The following ITGB8 variants were observed in gnomAD, a reference collection of about 807,000 sequenced individuals.
ITGB8 encodes the protein integrin beta-8.
In ITGB8, 30 loss-of-function variants were observed where a neutral mutation model predicts 89.5. The observed-to-expected ratio is 0.34, with a 90% CI of 0.25 to 0.45. ITGB8 has a LOEUF of 0.45. ITGB8 is among the 20% of genes least tolerant of loss of function. The pLI, the probability that ITGB8 is intolerant of heterozygous loss-of-function variation, is 1.00. For missense variants in ITGB8, 836 were observed against 933.3 expected, an observed-to-expected ratio of 0.90 and a Z score of 1.36; for synonymous variants, 335 against 320.4, an observed-to-expected ratio of 1.05 and a Z score of -0.49.
chr7:20,365,549 T>C (rs1326389164), intron 2 of ITGB8: 1 of 152,142 alleles, frequency 6.6e-6, no homozygotes, highest in East Asian at 1.9e-4. Flanking sequence ...AATGAAGCAA[T>C]GTGGGAAGCA....
intron 7 of ITGB8, 22 bp from the exon 8 acceptor site, chr7:20,394,874 A>T: frequency 6.6e-7 from 1 of 1,513,000 alleles, no homozygotes; most frequent in Non-Finnish European, 9.2e-7. Flanking sequence ...CATTGTTTAA[A>T]TGCTACTGAT....
rs1337123294 is a variant in ITGB8 at position 20,401,709 on chromosome 7, T to C, written c.1282-12T>C. 5 of 1,488,888 alleles carry C rather than the reference T, an allele frequency of 3.4e-6. No individual in the cohort carries two copies. In the East Asian group the frequency reaches 1.1e-4, roughly 34 times the overall value. The allele number at this position is 1,488,888 out of a possible 1,614,324, so 92.2% of individuals were successfully genotyped here. ...GTATATAAATATATTTCCTTTTTCC[T>C]CCTAAATTTAGGTTCTTTTCAATGT... On this transcript the variant is annotated splice_polypyrimidine_tract_variant and intron_variant, in intron 9 of 13. Coordinates refer to ENST00000222573, the MANE Select transcript of ITGB8 (RefSeq NM_002214.3).
chr7:20,390,265 T>C (rs560775701), intron 6 of ITGB8, among the ~76,000 whole-genome samples: 3 of 152,322 alleles, frequency 2.0e-5, no homozygotes, highest in African/African-American at 7.2e-5. Flanking sequence ...CTTTGGCTTA[T>C]GCCATTAGGC....
Position 20,415,106 on chromosome 7 carries a change from T to A in ITGB8, c.*5109T>A, listed in dbSNP as rs1787886332. 1 of 152,564 alleles carries A rather than the reference T, an allele frequency of 6.6e-6. No homozygotes were observed. The highest frequency in any genetic ancestry group is 1.5e-5 in the Non-Finnish European group (1 of 67,984). The allele number at this position is 152,564 out of a possible 1,614,324, so 9.5% of individuals were successfully genotyped here. A position where few individuals can be genotyped will look rare whatever the true frequency, so the allele number is the denominator to read the frequency against. On this transcript the variant is annotated 3_prime_UTR_variant, in exon 14 of 14. Coordinates refer to ENST00000222573, the MANE Select transcript of ITGB8 (RefSeq NM_002214.3). The stretch of plus-strand genomic sequence containing the variant: ...AAATTTTGATAAGAAGTCTACGCAA[T>A]GACAAGTATGGTACATAAATTTTAT...
chr7:20,341,874 G>A (rs1784767384), intron 1 of ITGB8, among the ~76,000 whole-genome samples: 1 of 150,470 alleles, frequency 6.6e-6, no homozygotes, highest in African/African-American at 2.5e-5. Context: ...CTGCCTCTTA[G>A]GTATATGTTT....
In ITGB8 at chr7:20,331,427, G is replaced by A; in HGVS notation, c.-380G>A. ...TTGATTGTGTTTGGCTCTTCGCTAA[G>A]CTGATTTATGCAGCAGAAGCCCCAC... On this transcript the variant is annotated 5_prime_UTR_variant, in exon 1 of 14. Transcript: ENST00000222573. 2.5e-6 allele frequency: 1 copy of A among 404,674 alleles called. No individual in the cohort carries two copies. The highest frequency in any genetic ancestry group is 6.2e-4 in the Middle Eastern group (1 of 1,610). The allele number at this position is 404,674 out of a possible 1,614,324, so 25.1% of individuals were successfully genotyped here. A position where few individuals can be genotyped will look rare whatever the true frequency, so the allele number is the denominator to read the frequency against.
At chr7:20,337,519 T>C (rs1183621938) in intron 1 of ITGB8, among the ~76,000 whole-genome samples, 1 of 152,198 alleles carries the variant, frequency 6.6e-6, no homozygotes, top group African/African-American at 2.4e-5. Flanking sequence ...TATTTGAAAA[T>C]ATAATATATC....
chr7:20,367,545 CTG>C (rs1562672122), intron 3 of ITGB8, among the ~76,000 whole-genome samples: 1 of 152,136 alleles, frequency 6.6e-6, no homozygotes, highest in African/African-American at 2.4e-5. Context: ...AGTAAGTACT[CTG>C]TAAGTATTTG....
chr7:20,367,291 T>G (rs1413500631), intron 3 of ITGB8, 105 bp downstream of exon 3: 1 of 856,754 alleles, frequency 1.2e-6, no homozygotes, highest in Non-Finnish European at 1.9e-6. Context: ...ATTGTTCTTG[T>G]AGAAACCACA....
intron 1 of ITGB8, among the ~76,000 whole-genome samples, chr7:20,351,784 T>G (rs1346786067): frequency 6.6e-6 from 1 of 152,214 alleles, no homozygotes; most frequent in Non-Finnish European, 1.5e-5. Context: ...GACTTTAAGT[T>G]TAAAAGATAC....
rs550699619 is a variant in ITGB8, at chr7:20,354,675, A to G, written c.128-8962A>G. 1.2e-4 allele frequency among the ~76,000 whole-genome samples: 19 copies of G among 152,320 alleles called. No homozygotes were observed. In the East Asian group the frequency reaches 2.7e-3, roughly 22 times the overall value. The stretch of plus-strand genomic sequence containing the variant: ...GAATATGGCTGCTGCAGGTCTGGAC[A>G]TTACAGCCATGTTCCAGGCAGAAAG... On this transcript the variant is annotated intron_variant, in intron 1 of 13. Coordinates refer to ENST00000222573, the MANE Select transcript of ITGB8 (RefSeq NM_002214.3).
intron 1 of ITGB8, among the ~76,000 whole-genome samples, chr7:20,359,040 T>G (rs2128134980): frequency 6.6e-6 from 1 of 152,336 alleles, no homozygotes; most frequent in South Asian, 2.1e-4. Flanking sequence ...AAGGACATGA[T>G]TTTGCTCTTT....
intron 1 of ITGB8, among the ~76,000 whole-genome samples, chr7:20,356,581 A>C (rs1221020324): frequency 1.3e-5 from 2 of 152,186 alleles, no homozygotes; most frequent in East Asian, 3.8e-4. Context: ...TTTGTATAGT[A>C]AATGCAATTG....
chr7:20,380,618 G>A, intron 4 of ITGB8, 48 bp from the exon 5 acceptor site: 2 of 1,458,276 alleles, frequency 1.4e-6, no homozygotes, highest in Admixed American at 1.7e-5. Context: ...ATTCCAGAAT[G>A]CTTAAGAAGA....
Position 20,331,359 on chromosome 7 carries a change from A to C in ITGB8, c.-448A>C. ...AGATCCAGCATCACCCAGTGAATGT[A>C]CATTAGGGTGGTTTCCCCCCCAGCT... On this transcript the variant is annotated 5_prime_UTR_variant, in exon 1 of 14. Transcript: ENST00000222573. The C allele has an allele frequency of 2.5e-6, 1 of 395,628 alleles. No homozygotes were observed. Among genetic ancestry groups the C allele is most frequent in the Non-Finnish European group, 4.4e-6 (1 of 225,074 alleles). The allele number at this position is 395,628 out of a possible 1,614,324, so 24.5% of individuals were successfully genotyped here. A position where few individuals can be genotyped will look rare whatever the true frequency, so the allele number is the denominator to read the frequency against.
chr7:20,377,204 C>T (rs1296578387), intron 3 of ITGB8: 1 of 152,254 alleles, frequency 6.6e-6, no homozygotes, highest in Non-Finnish European at 1.5e-5. Context: ...CCATCTATTA[C>T]ATCTAGCAGT....
chr7:20,333,589 T>C (rs1169963382), intron 1 of ITGB8, among the ~76,000 whole-genome samples: 1 of 142,722 alleles, frequency 7.0e-6, no homozygotes, highest in Non-Finnish European at 1.6e-5. Context: ...TTAAAAACCA[T>C]TAACTGTGCT....
In ITGB8 at chr7:20,409,710, G is replaced by C; in HGVS notation, c.2119G>C (p.Val707Leu). The C allele has an allele frequency of 6.2e-7, 1 of 1,610,476 alleles. No homozygotes were observed. The highest frequency in any genetic ancestry group is 8.5e-7 in the Non-Finnish European group (1 of 1,177,252). Residue 707 changes from valine (V) to leucine (L), a missense_variant, in exon 13 of 14, where the codon GTG (valine) becomes CTG (leucine). By Grantham distance (32) the Val-to-Leu change is conservative (BLOSUM62 1). Coordinates refer to ENST00000222573, the MANE Select transcript of ITGB8 (RefSeq NM_002214.3). Reference sequence around the variant, plus strand: ...GCTTAAAGTCCTGATCATTAGACAGGTGATACTACAATGGAATAGTAATAA... The same window carrying C: ...GCTTAAAGTCCTGATCATTAGACAGCTGATACTACAATGGAATAGTAATAA... ...GLLKVLIIRQ[V>L]ILQWNSNKIK...
chr7:20,366,886 A>C, intron 2 of ITGB8, 126 bp from the exon 3 acceptor site: 1 of 623,078 alleles, frequency 1.6e-6, no homozygotes, highest in Non-Finnish European at 2.6e-6. Context: ...GAAATAGTAA[A>C]AACATAAGGA....
Sources: allele counts gnomAD v4.1 joint callset (sites outside exome capture counted in the v4.1 genomes callset), GRCh38; gene constraint gnomAD v4.1.1; transcripts MANE v1.5; gene names NCBI Gene and HGNC (gene_info 2026-07-23, HGNC 2026-07-21).